Variants in SORCS3 observed in about 807,000 individuals in gnomAD.
SORCS3 encodes sortilin related VPS10 domain containing receptor 3.
In SORCS3, 57 loss-of-function variants were observed where a neutral mutation model predicts 146.3. The ratio of observed to expected loss-of-function variants is 0.39; its 90% CI spans 0.31 to 0.49. The LOEUF (loss-of-function observed/expected upper bound fraction) is 0.49. SORCS3 is among the 20% of genes least tolerant of loss of function. The pLI is 0.92. For missense variants in SORCS3, 1,341 were observed against 1,575.5 expected, an observed-to-expected ratio of 0.85 and a Z score of 2.52; for synonymous variants, 653 against 618.5, an observed-to-expected ratio of 1.06 and a Z score of -0.83.
intron 1 of SORCS3, among the ~76,000 whole-genome samples, chr10:104,675,250 T>C (rs1171025604): frequency 6.6e-6 from 1 of 152,240 alleles, no homozygotes; most frequent in African/African-American, 2.4e-5. Context: ...TTTGGATATA[T>C]TCTTTAGTAA....
intron 1 of SORCS3, among the ~76,000 whole-genome samples, chr10:104,650,857 C>T (rs1191476445): frequency 6.6e-6 from 1 of 152,194 alleles, no homozygotes; most frequent in African/African-American, 2.4e-5. Context: ...TCCCAGAAGC[C>T]TTTTTGACAT....
chr10:104,683,042 A>G (rs1589456199), intron 1 of SORCS3, among the ~76,000 whole-genome samples: 1 of 152,184 alleles, frequency 6.6e-6, no homozygotes, highest in East Asian at 1.9e-4. Context: ...ACATCTAAGC[A>G]TGCTTTGGCT....
intron 1 of SORCS3, among the ~76,000 whole-genome samples, chr10:104,718,041 G>C: frequency 6.6e-6 from 1 of 152,150 alleles, no homozygotes; most frequent in East Asian, 1.9e-4. Context: ...AGCTACTCAG[G>C]AGACTGCGGC....
chr10:104,931,941 A>T (rs1367740590), intron 3 of SORCS3, among the ~76,000 whole-genome samples: 1 of 152,192 alleles, frequency 6.6e-6, no homozygotes, highest in Non-Finnish European at 1.5e-5. Flanking sequence ...GTGGCAGCAT[A>T]GATATGCATG....
chr10:104,974,253 T>C (rs1269535118), intron 3 of SORCS3, among the ~76,000 whole-genome samples: 1 of 152,110 alleles, frequency 6.6e-6, no homozygotes, highest in Non-Finnish European at 1.5e-5. Flanking sequence ...GTATACTTGT[T>C]AATTTTCTGT....
At chr10:104,876,919 A>G (rs902059127) in intron 2 of SORCS3, among the ~76,000 whole-genome samples, 10 of 151,970 alleles carry the variant, frequency 6.6e-5, no homozygotes, top group African/African-American at 2.4e-4. Context: ...ATAGCAAAGC[A>G]ATCGCAGCTC....
chr10:104,709,174 G>A (rs1315659757), intron 1 of SORCS3, among the ~76,000 whole-genome samples: 1 of 152,194 alleles, frequency 6.6e-6, no homozygotes, highest in East Asian at 1.9e-4. Flanking sequence ...TGTTTGGGAG[G>A]AGGCGGGTAG....
At chr10:105,247,070 A>C (rs934026952) in intron 21 of SORCS3, 149 bp from the exon 22 acceptor site, 3 of 445,874 alleles carry the variant, frequency 6.7e-6, no homozygotes, top group Non-Finnish European at 8.0e-6. Context: ...AGAAGTCAGG[A>C]AACAAGCTGA....
At chr10:104,655,712 C>T (rs1336878789) in intron 1 of SORCS3, among the ~76,000 whole-genome samples, 1 of 152,026 alleles carries the variant, frequency 6.6e-6, no homozygotes, top group Non-Finnish European at 1.5e-5. Flanking sequence ...TTGGTACTGT[C>T]CTTGTGACAG....
chr10:105,209,860 C>T (rs2056623740), intron 16 of SORCS3, among the ~76,000 whole-genome samples: 2 of 152,062 alleles, frequency 1.3e-5, no homozygotes, highest in African/African-American at 4.8e-5. Context: ...TCTCATTAAT[C>T]AATTGGTTCT....
intron 20 of SORCS3, among the ~76,000 whole-genome samples, chr10:105,240,504 A>G (rs2056815935): frequency 6.6e-6 from 1 of 152,204 alleles, no homozygotes; most frequent in South Asian, 2.1e-4. Flanking sequence ...TGCTTGTTCT[A>G]TCACATGTCT....
Position 104,921,503 on chromosome 10 carries a change from C to CTCTCTG in SORCS3, c.795+5572_795+5573insCTCTGT, listed in dbSNP as rs1481936605. Among the ~76,000 whole-genome samples, 13 of 143,590 alleles carry CTCTCTG rather than the reference C, an allele frequency of 9.1e-5. No homozygotes were observed. The East Asian group carries it at 1.4e-3, about 16-fold the overall frequency. 94.2% of individuals were successfully genotyped at this position (143,590 alleles called of 152,430 possible). A position where few individuals can be genotyped will look rare whatever the true frequency, so the allele number is the denominator to read the frequency against. ...GGTACATGTCTCTCTCTCTCTCTCTCTGTGTGTGTGTGTGTGTGTGTGTGT... is the reference window on the plus strand; with the variant it reads ...GGTACATGTCTCTCTCTCTCTCTCTCTCTCTGTGTGTGTGTGTGTGTGTGTGTGTGT... On this transcript the variant is annotated intron_variant, in intron 3 of 26. Transcript: ENST00000369701.
At chr10:105,087,625 A>C (rs145719050) in intron 5 of SORCS3, among the ~76,000 whole-genome samples, 62 of 152,298 alleles carry the variant, frequency 4.1e-4, no homozygotes, top group Middle Eastern at 3.4e-3. Context: ...TAACACAGGT[A>C]GATCAGATTG....
At chr10:104,976,822 C>T (rs1373450845) in intron 3 of SORCS3, among the ~76,000 whole-genome samples, 1 of 151,974 alleles carries the variant, frequency 6.6e-6, no homozygotes, top group Non-Finnish European at 1.5e-5. Context: ...AAAAACCAAA[C>T]ACCGCATATT....
chr10:105,160,113 A>T (rs188234491), intron 11 of SORCS3, among the ~76,000 whole-genome samples: 1 of 152,106 alleles, frequency 6.6e-6, no homozygotes, highest in South Asian at 2.1e-4. Context: ...GCGGGACCCT[A>T]TGCCTCTCCT....
intron 1 of SORCS3, among the ~76,000 whole-genome samples, chr10:104,831,460 G>A (rs1378389135): frequency 6.6e-6 from 1 of 152,142 alleles, no homozygotes; most frequent in Admixed American, 6.5e-5. Flanking sequence ...TGCCCCAAAC[G>A]GTACCAAGAT....
chr10:104,684,837 A>T, intron 1 of SORCS3, among the ~76,000 whole-genome samples: 1 of 87,944 alleles, frequency 1.1e-5, no homozygotes, highest in Non-Finnish European at 2.0e-5. Flanking sequence ...TTTTTTTATG[A>T]GACACAGTCT....
intron 1 of SORCS3, among the ~76,000 whole-genome samples, chr10:104,743,308 A>G (rs1488662865): frequency 6.6e-6 from 1 of 152,202 alleles, no homozygotes; most frequent in Non-Finnish European, 1.5e-5. Context: ...AGCGGGGTGA[A>G]GTTGCACCTA....
chr10:104,842,653 C>T (rs1433492319), intron 1 of SORCS3, 139 bp from the exon 2 acceptor site: 1 of 617,178 alleles, frequency 1.6e-6, no homozygotes, highest in East Asian at 2.8e-5. Context: ...CTATAATACC[C>T]CGCAACTCAA....
Sources: allele counts gnomAD v4.1 joint callset (sites outside exome capture counted in the v4.1 genomes callset), GRCh38; gene constraint gnomAD v4.1.1; transcripts MANE v1.5; gene names NCBI Gene and HGNC (gene_info 2026-07-23, HGNC 2026-07-21).